Variants in TRHDE observed in about 807,000 individuals in gnomAD.
The protein encoded by TRHDE is thyrotropin-releasing hormone-degrading ectoenzyme.
A neutral mutation model predicts 125.7 loss-of-function variants in TRHDE; 72 were observed. That is an observed-to-expected ratio of 0.57 (90% CI 0.47 to 0.70). The LOEUF (loss-of-function observed/expected upper bound fraction) is 0.70. TRHDE is among the 30% of genes least tolerant of loss of function. TRHDE has a pLI of 0.00. For missense variants in TRHDE, 1,110 were observed against 1,327.1 expected (o/e 0.84, Z 2.54); for synonymous variants, 509 against 509.1 (o/e 1.00, Z 0.00).
chr12:72,561,465 T>C (rs7967001), intron 7 of TRHDE, among the ~76,000 whole-genome samples: 61,378 of 152,016 alleles, frequency 0.4, 14,954 homozygotes, highest in African/African-American at 0.67. Flanking sequence ...AGCACATTGA[T>C]GAGACAAACC....
At chr12:72,300,013 A>T (rs748062659) in intron 2 of TRHDE, among the ~76,000 whole-genome samples, 1 of 152,166 alleles carries the variant, frequency 6.6e-6, no homozygotes, top group African/African-American at 2.4e-5. Flanking sequence ...CACAGAAAGG[A>T]TGACCACTGG....
chr12:72,232,021 TGTTTGAAAATGTACTTGGGATTTTG>T (rs1344820332), intron 2 of TRHDE, among the ~76,000 whole-genome samples: 24 of 152,186 alleles, frequency 1.6e-4, no homozygotes, highest in Admixed American at 1.5e-3. Flanking sequence ...GGTAGGGACT[TGTTTGAAAATGTACTTGGGATTTTG>T]GTTTTATTCA....
chr12:72,436,426 A>G lies in TRHDE; in HGVS notation c.1316-33332A>G, dbSNP rs114195524. 3.0e-3 allele frequency among the ~76,000 whole-genome samples: 452 copies of G among 152,094 alleles called. 1 individual carries two copies. Among genetic ancestry groups the G allele is most frequent in the African/African-American group, 0.01 (422 of 41,536 alleles). ...TTTAGACTGATTTGATTATCATAAT[A>G]CGAACCTATTAAAATTTTTAGATGT... On this transcript the variant is annotated intron_variant, in intron 3 of 18. Coordinates refer to ENST00000261180, the MANE Select transcript of TRHDE (RefSeq NM_013381.3).
chr12:72,277,211 G>A (rs1879519676), intron 1 of TRHDE, among the ~76,000 whole-genome samples: 1 of 152,096 alleles, frequency 6.6e-6, no homozygotes, highest in African/African-American at 2.4e-5. Flanking sequence ...AAATAATAGT[G>A]GTAGTTCTCA....
At chr12:72,160,190 C>A (rs1876604337) in intron 2 of TRHDE, among the ~76,000 whole-genome samples, 1 of 152,140 alleles carries the variant, frequency 6.6e-6, no homozygotes, top group South Asian at 2.1e-4. Flanking sequence ...CTTGGCTGCC[C>A]TCCCTGCCTC....
At chr12:72,536,201 G>C (rs1196299199) in intron 6 of TRHDE, among the ~76,000 whole-genome samples, 1 of 152,066 alleles carries the variant, frequency 6.6e-6, no homozygotes, top group Non-Finnish European at 1.5e-5. Flanking sequence ...TTGTTAACTA[G>C]AGTATTCTCA....
At chr12:72,297,974 A>G (rs1277734025) in intron 2 of TRHDE, among the ~76,000 whole-genome samples, 1 of 152,176 alleles carries the variant, frequency 6.6e-6, no homozygotes, top group African/African-American at 2.4e-5. Flanking sequence ...CCATTGGGAT[A>G]TTGATATAAT....
At position 72,565,960 on chromosome 12, in the gene TRHDE, T is replaced by G. The variant is rs180716960; in HGVS notation, c.2043-2608T>G. 1.1e-4 allele frequency among the ~76,000 whole-genome samples: 16 copies of G among 152,228 alleles called. No individual in the cohort carries two copies. In the East Asian group the frequency reaches 2.9e-3, roughly 28 times the overall value. On this transcript the variant is annotated intron_variant, in intron 9 of 18. Coordinates refer to ENST00000261180, the MANE Select transcript of TRHDE (RefSeq NM_013381.3). ...ATCTAATTTCCTAAGTTATTTTTTC[T>G]AATATCTTTTTAAACATAATCCATT...
At chr12:72,606,421 C>G (rs1348120970) in intron 12 of TRHDE, among the ~76,000 whole-genome samples, 4 of 152,114 alleles carry the variant, frequency 2.6e-5, no homozygotes, top group Non-Finnish European at 5.9e-5. Flanking sequence ...ATGCTGAATT[C>G]TAGTTCTGGT....
At chr12:72,430,363 A>G (rs971561467) in intron 3 of TRHDE, among the ~76,000 whole-genome samples, 10 of 145,528 alleles carry the variant, frequency 6.9e-5, no homozygotes, top group African/African-American at 2.5e-4. Flanking sequence ...ACATATATAC[A>G]TATATACGTA....
At position 72,378,025 on chromosome 12, in the gene TRHDE, A is replaced by G; in HGVS notation, c.1219A>G (p.Arg407Gly). 6.2e-7 allele frequency: 1 copy of G among 1,602,442 alleles called. No individual in the cohort carries two copies. Among genetic ancestry groups the G allele is most frequent in the Non-Finnish European group, 8.5e-7 (1 of 1,174,612 alleles). ...VRLYARPDAIRRGSGDYALHI... is the reference protein window; with the variant it reads ...VRLYARPDAIGRGSGDYALHI... ...ATTATATGCAAGACCTGATGCTATC[A>G]GAAGAGGATCCGGGGACTATGCTCT... Residue 407 changes from arginine (R) to glycine (G), a missense_variant, in exon 3 of 19, where the codon AGA becomes GGA. By Grantham distance (125) the Arg-to-Gly change is moderately radical. Coordinates refer to ENST00000261180, the MANE Select transcript of TRHDE (RefSeq NM_013381.3).
intron 5 of TRHDE, among the ~76,000 whole-genome samples, chr12:72,494,024 T>C (rs1877799098): frequency 6.6e-6 from 1 of 152,076 alleles, no homozygotes; most frequent in Non-Finnish European, 1.5e-5. Context: ...TTTATGTCTT[T>C]GTATCTTTCT....
chr12:72,344,477 G>T (rs1271113253), intron 2 of TRHDE, among the ~76,000 whole-genome samples: 1 of 152,082 alleles, frequency 6.6e-6, no homozygotes. Context: ...ATAGCTAATA[G>T]ATAATGGACC....
chr12:72,456,162 CACACACACACACACAG>C (rs946476233), intron 3 of TRHDE, among the ~76,000 whole-genome samples: 13 of 148,944 alleles, frequency 8.7e-5, no homozygotes, highest in African/African-American at 2.5e-4. Flanking sequence ...CACACACACA[CACACACACACACACAG>C]AGACTCAGAG....
intron 2 of TRHDE, among the ~76,000 whole-genome samples, chr12:72,199,559 A>G (rs956409637): frequency 2.6e-5 from 4 of 152,344 alleles, no homozygotes; most frequent in South Asian, 2.1e-4. Flanking sequence ...TGGAGCTAGA[A>G]TTTGAAAAGC....
chr12:72,586,056 A>T (rs369410217), intron 12 of TRHDE, among the ~76,000 whole-genome samples: 1 of 152,198 alleles, frequency 6.6e-6, no homozygotes, highest in Non-Finnish European at 1.5e-5. Context: ...TTAGCCAATG[A>T]TAAAGTAAAG....
intron 9 of TRHDE, 122 bp from the exon 10 acceptor site, chr12:72,568,446 A>AT (rs995230712): frequency 4.0e-4 from 213 of 528,622 alleles, no homozygotes; most frequent in Non-Finnish European, 4.8e-4. Context: ...GACCGGAATT[A>AT]TTTTTTTTTA....
intron 2 of TRHDE, among the ~76,000 whole-genome samples, chr12:72,130,275 C>A (rs1239513715): frequency 1.3e-5 from 2 of 152,138 alleles, no homozygotes; most frequent in Non-Finnish European, 2.9e-5. Flanking sequence ...TGCCCTCCAG[C>A]CTAGGTGATA....
At chr12:72,427,509 C>G (rs367642121) in intron 3 of TRHDE, among the ~76,000 whole-genome samples, 1 of 151,960 alleles carries the variant, frequency 6.6e-6, no homozygotes, top group Non-Finnish European at 1.5e-5. Flanking sequence ...GTCTCAATAC[C>G]GTCTCCCTCT....
Sources: allele counts gnomAD v4.1 joint callset (sites outside exome capture counted in the v4.1 genomes callset), GRCh38; gene constraint gnomAD v4.1.1; transcripts MANE v1.5; gene names NCBI Gene and HGNC (gene_info 2026-07-23, HGNC 2026-07-21).